LRRC37A2: variants seen among roughly 807,000 people sequenced by gnomAD.
The protein encoded by LRRC37A2 is leucine-rich repeat-containing protein 37A2.
In LRRC37A2, 9 loss-of-function variants were observed where a neutral mutation model predicts 68.8. That is an observed-to-expected ratio of 0.13 (90% CI 0.08 to 0.23). The LOEUF (loss-of-function observed/expected upper bound fraction) is 0.23. Ranked by LOEUF, LRRC37A2 falls within the 10% of genes least tolerant of loss-of-function variation. The probability of loss-of-function intolerance (pLI) is 1.00; values close to 1 mark genes in which losing one functional copy is unlikely to be tolerated. For synonymous variants in LRRC37A2, 63 were observed against 367.6 expected (o/e 0.17, Z 9.48); for missense variants, 168 against 950.4 (o/e 0.18, Z 10.82).
At chr17:46,923,587 C>G in the LRRC37A2 span, 2 of 1,289,514 alleles carry the variant, frequency 1.6e-6, no homozygotes, top group Non-Finnish European at 2.0e-6. Flanking sequence ...GAGTAGGAGA[C>G]ACGGCCCCTG....
At chr17:46,940,960 G>A in the LRRC37A2 span, 8 of 1,235,048 alleles carry the variant, frequency 6.5e-6, no homozygotes, top group Admixed American at 3.5e-5. Context: ...TCTCTCCACC[G>A]CCTCAGTGTA....
At chr17:46,832,992 G>A in the LRRC37A2 span, 1 of 210,576 alleles carries the variant, frequency 4.7e-6, no homozygotes. Flanking sequence ...ATGCCATGGT[G>A]GGAACAGGCC....
chr17:46,676,611 G>A, the LRRC37A2 span, among the ~76,000 whole-genome samples: 1 of 135,824 alleles, frequency 7.4e-6, no homozygotes, highest in East Asian at 2.3e-4. Flanking sequence ...TATGTGGCTT[G>A]AAACCCGAAG....
the LRRC37A2 span, chr17:46,938,794 A>G: frequency 1.2e-6 from 2 of 1,613,026 alleles, no homozygotes. Flanking sequence ...CAGCATTCCC[A>G]CAGCCTGCAA....
the LRRC37A2 span, among the ~76,000 whole-genome samples, chr17:46,927,161 A>G: frequency 6.6e-6 from 1 of 152,180 alleles, no homozygotes. Context: ...GTCATTTTGT[A>G]TATTGATTGA....
chr17:46,473,593 C>A, the LRRC37A2 span, among the ~76,000 whole-genome samples: 1 of 34,932 alleles, frequency 2.9e-5, no homozygotes, highest in African/African-American at 1.3e-4. Context: ...AAAAAACATT[C>A]TCTTATTAAA....
At chr17:46,973,700 G>C in the LRRC37A2 span, among the ~76,000 whole-genome samples, 2 of 152,170 alleles carry the variant, frequency 1.3e-5, no homozygotes, top group African/African-American at 4.8e-5. Flanking sequence ...CCGTGTATCT[G>C]CTGTGATCTT....
At chr17:46,830,029 A>G in the LRRC37A2 span, among the ~76,000 whole-genome samples, 29 of 152,298 alleles carry the variant, frequency 1.9e-4, no homozygotes, top group African/African-American at 7.0e-4. Flanking sequence ...TGTTATTATC[A>G]TGAGACCAAA....
chr17:46,848,714 T>C, the LRRC37A2 span, among the ~76,000 whole-genome samples: 29,838 of 152,234 alleles, frequency 0.2, 3,586 homozygotes, highest in East Asian at 0.49. Flanking sequence ...GAGCCAGCCA[T>C]GGCCAATCAT....
At chr17:47,022,166 C>CTATTTTTTT in the LRRC37A2 span, among the ~76,000 whole-genome samples, 1 of 15,858 alleles carries the variant, frequency 6.3e-5, no homozygotes, top group African/African-American at 1.1e-4. Flanking sequence ...CCTTTTTGTT[C>CTATTTTTTT]TCTTTTTTTT....
chr17:47,001,717 CTTTTTTTTTTT>C, the LRRC37A2 span, among the ~76,000 whole-genome samples: 3 of 108,616 alleles, frequency 2.8e-5, no homozygotes, highest in African/African-American at 6.8e-5. Flanking sequence ...CTCTTTTTTC[CTTTTTTTTTTT>C]TTTTTTTTTT....
the LRRC37A2 span, among the ~76,000 whole-genome samples, chr17:46,782,174 T>C: frequency 6.6e-6 from 1 of 152,216 alleles, no homozygotes; most frequent in Non-Finnish European, 1.5e-5. Flanking sequence ...CCTTTGCCCT[T>C]ACCTTTCTCC....
the LRRC37A2 span, among the ~76,000 whole-genome samples, chr17:46,711,524 C>T: frequency 6.6e-6 from 1 of 152,154 alleles, no homozygotes. Context: ...AAATTCCTGA[C>T]TACGGTGTAT....
At chr17:46,884,036 G>T in the LRRC37A2 span, among the ~76,000 whole-genome samples, 1 of 152,144 alleles carries the variant, frequency 6.6e-6, no homozygotes, top group Non-Finnish European at 1.5e-5. Context: ...CAGTGGAGTG[G>T]TGGAGGCCGG....
the LRRC37A2 span, among the ~76,000 whole-genome samples, chr17:46,810,436 C>G: frequency 6.6e-6 from 1 of 152,184 alleles, no homozygotes; most frequent in Non-Finnish European, 1.5e-5. Context: ...CAATGGAGAG[C>G]CCCTGGCAGA....
the LRRC37A2 span, among the ~76,000 whole-genome samples, chr17:46,954,079 C>T: frequency 4.5e-3 from 690 of 152,318 alleles, 2 homozygotes; most frequent in Middle Eastern, 0.014. Context: ...GTTGCCATCG[C>T]TTTTGGTGTT....
chr17:46,798,048 C>A, the LRRC37A2 span, among the ~76,000 whole-genome samples: 206 of 152,292 alleles, frequency 1.4e-3, 2 homozygotes, highest in East Asian at 0.029. Flanking sequence ...CCTGCCTCAG[C>A]CTCCCGAGTA....
chr17:46,891,813 G>A, the LRRC37A2 span, among the ~76,000 whole-genome samples: 1 of 152,080 alleles, frequency 6.6e-6, no homozygotes, highest in Non-Finnish European at 1.5e-5. Context: ...GAGCTTTCTT[G>A]GCTCCAAACT....
the LRRC37A2 span, among the ~76,000 whole-genome samples, chr17:46,409,941 G>A: frequency 9.5e-6 from 1 of 105,478 alleles, no homozygotes; most frequent in African/African-American, 3.2e-5. Flanking sequence ...TGCTGTCCCA[G>A]GCACATCATA....
Sources: gnomAD v4.1 joint callset for allele counts (sites outside exome capture counted in the v4.1 genomes callset) on GRCh38, gnomAD v4.1.1 for gene constraint, MANE v1.5 for transcripts, NCBI Gene and HGNC (gene_info 2026-07-23, HGNC 2026-07-21) for gene names.